The following ULK4 variants were observed in gnomAD, a reference collection of about 807,000 sequenced individuals.
The protein encoded by ULK4 is inactive serine/threonine-protein kinase ULK4.
ULK4 carries 133 observed loss-of-function variants against 160.6 expected under a neutral mutation model. The ratio of observed to expected loss-of-function variants is 0.83; its 90% CI spans 0.72 to 0.96. The LOEUF is 0.96. Among genes scored for constraint, ULK4 ranks in the 40% least tolerant of loss-of-function variants. ULK4 has a pLI of 0.00. For synonymous variants in ULK4, 534 were observed against 539.8 expected (o/e 0.99, Z 0.15); for missense variants, 1,580 against 1,499.5 (o/e 1.05, Z -0.89).
At chr3:41,643,129 C>T (rs1364031948) in intron 30 of ULK4, among the ~76,000 whole-genome samples, 6 of 152,104 alleles carry the variant, frequency 3.9e-5, no homozygotes, top group Non-Finnish European at 8.8e-5. Context: ...AATTTTCTCC[C>T]ATTTTGTAGG....
intron 27 of ULK4, among the ~76,000 whole-genome samples, chr3:41,682,384 T>C (rs2035951815): frequency 6.6e-6 from 1 of 152,096 alleles, no homozygotes; most frequent in Non-Finnish European, 1.5e-5. Flanking sequence ...TCCTCCAAAA[T>C]ACCAAAAAAG....
intron 27 of ULK4, among the ~76,000 whole-genome samples, chr3:41,683,027 A>G (rs2035972275): frequency 6.6e-6 from 1 of 152,196 alleles, no homozygotes. Flanking sequence ...AGTATTTATG[A>G]GACAGAGTAG....
intron 29 of ULK4, among the ~76,000 whole-genome samples, chr3:41,670,092 TA>T (rs2035487110): frequency 6.6e-6 from 1 of 152,164 alleles, no homozygotes; most frequent in Non-Finnish European, 1.5e-5. Flanking sequence ...GGTAATGTGT[TA>T]AAATGCAAAT....
At chr3:41,949,146 A>C (rs995626372) in intron 2 of ULK4, among the ~76,000 whole-genome samples, 5 of 152,010 alleles carry the variant, frequency 3.3e-5, no homozygotes, top group Non-Finnish European at 7.4e-5. Context: ...GTCTCTACTA[A>C]AAATACAAAA....
chr3:41,938,274 C>T, intron 2 of ULK4, 77 bp from the exon 3 acceptor site: 1 of 1,059,308 alleles, frequency 9.4e-7, no homozygotes, highest in East Asian at 2.5e-5. Flanking sequence ...CCTAAATATA[C>T]AATTGGTAAA....
chr3:41,444,361 T>TTCTC (rs56744200), intron 34 of ULK4, among the ~76,000 whole-genome samples: 12,102 of 146,498 alleles, frequency 0.083, 584 homozygotes, highest in Admixed American at 0.14. Flanking sequence ...TTTAAGTGAC[T>TTCTC]TCTCTCTCTC....
intron 35 of ULK4, among the ~76,000 whole-genome samples, chr3:41,395,758 A>G (rs983101801): frequency 2.0e-5 from 3 of 152,202 alleles, no homozygotes; most frequent in Admixed American, 2.0e-4. Flanking sequence ...TATACTTGAA[A>G]ATAATTCTAG....
At chr3:41,729,024 C>T (rs914999213) in intron 22 of ULK4, among the ~76,000 whole-genome samples, 2 of 152,102 alleles carry the variant, frequency 1.3e-5, no homozygotes, top group African/African-American at 4.8e-5. Context: ...CTCATGACCC[C>T]AACTCCTACA....
chr3:41,337,235 A>G (rs2080580454), intron 35 of ULK4, among the ~76,000 whole-genome samples: 1 of 152,238 alleles, frequency 6.6e-6, no homozygotes, highest in Admixed American at 6.5e-5. Flanking sequence ...TTTATAATAT[A>G]CATTATATTT....
intron 35 of ULK4, chr3:41,258,372 A>C (rs767206741): frequency 1.3e-5 from 2 of 152,210 alleles, no homozygotes; most frequent in Non-Finnish European, 2.9e-5. Flanking sequence ...TGTGATGCTG[A>C]ATTCATGACT....
chr3:41,431,797 T>TC (rs745699768), intron 34 of ULK4, among the ~76,000 whole-genome samples: 2 of 149,260 alleles, frequency 1.3e-5, no homozygotes, highest in Non-Finnish European at 3.0e-5. Flanking sequence ...TTCTTTTCTT[T>TC]TTTTTTTTTT....
chr3:41,945,282 T>C (rs1211540225), intron 2 of ULK4, among the ~76,000 whole-genome samples: 3 of 152,202 alleles, frequency 2.0e-5, no homozygotes, highest in African/African-American at 4.8e-5. Context: ...TTGGGGCCTT[T>C]ACCACTTACA....
chr3:41,934,102 G>GA (rs1335734929), intron 4 of ULK4, among the ~76,000 whole-genome samples: 2 of 151,908 alleles, frequency 1.3e-5, no homozygotes, highest in South Asian at 2.1e-4. Flanking sequence ...AAATGGCTGA[G>GA]AAACAAATCA....
intron 35 of ULK4, among the ~76,000 whole-genome samples, chr3:41,251,725 T>G (rs916011755): frequency 2.4e-4 from 36 of 152,278 alleles, no homozygotes; most frequent in African/African-American, 8.4e-4. Flanking sequence ...GCAGCAACAA[T>G]AGCCAGCAAG....
chr3:41,840,277 T>A (rs945889280), intron 17 of ULK4, among the ~76,000 whole-genome samples: 7 of 152,050 alleles, frequency 4.6e-5, no homozygotes, highest in Non-Finnish European at 1.0e-4. Context: ...AAAATAATTT[T>A]AAAAAAAGAG....
At chr3:41,272,548 G>A (rs1159382505) in intron 35 of ULK4, among the ~76,000 whole-genome samples, 1 of 149,018 alleles carries the variant, frequency 6.7e-6, no homozygotes, top group Non-Finnish European at 1.5e-5. Context: ...TTTACTACTG[G>A]TTTTGTGCAA....
intron 31 of ULK4, among the ~76,000 whole-genome samples, chr3:41,603,653 CA>C (rs2032228099): frequency 6.6e-6 from 1 of 151,686 alleles, no homozygotes; most frequent in African/African-American, 2.4e-5. Context: ...GATATGCATA[CA>C]CATTGTACCA....
At chr3:41,253,947 A>G (rs770474447) in intron 35 of ULK4, among the ~76,000 whole-genome samples, 11 of 152,252 alleles carry the variant, frequency 7.2e-5, no homozygotes, top group South Asian at 2.1e-4. Context: ...CCAAGAAGAC[A>G]TAACAATAAA....
chr3:41,628,697 A>G (rs1374770687), intron 30 of ULK4, among the ~76,000 whole-genome samples: 1 of 152,188 alleles, frequency 6.6e-6, no homozygotes, highest in African/African-American at 2.4e-5. Context: ...AATGGGTGAA[A>G]CTGGAGTATG....
Sources: allele counts gnomAD v4.1 joint callset (sites outside exome capture counted in the v4.1 genomes callset), GRCh38; gene constraint gnomAD v4.1.1; transcripts MANE v1.5; gene names NCBI Gene and HGNC (gene_info 2026-07-23, HGNC 2026-07-21).